PCDHA10: variants seen among roughly 807,000 people sequenced by gnomAD.
PCDHA10 encodes protocadherin alpha-10.
Under a neutral mutation model 61.2 loss-of-function variants are expected in PCDHA10, and 45 were observed. That is an observed-to-expected ratio of 0.74 (90% CI 0.58 to 0.94). The LOEUF (loss-of-function observed/expected upper bound fraction) is 0.94. PCDHA10 is among the 40% of genes least tolerant of loss of function. The pLI, the probability that PCDHA10 is intolerant of heterozygous loss-of-function variation, is 0.00. For synonymous variants in PCDHA10, 602 were observed against 548.8 expected (o/e 1.10, Z -1.35); for missense variants, 1,278 against 1,236.2 (o/e 1.03, Z -0.51).
rs1554151079 is a variant in PCDHA10 at position 140,858,031 on chromosome 5, G to T, written c.1983G>T (p.Thr661=). 1.2e-5 allele frequency: 19 copies of T among 1,597,102 alleles called. 3 individuals are homozygous for T. The highest frequency in any genetic ancestry group is 1.5e-5 in the Non-Finnish European group (17 of 1,167,242). Residue 661 remains threonine, a synonymous_variant, in exon 1 of 4, where the codon ACG becomes ACT. Coordinates refer to ENST00000307360, the MANE Select transcript of PCDHA10 (RefSeq NM_018901.4). ...KDHGEPSLTA[T]ATVLVSLVEG... is the part of the protein sequence containing the mutation. ...ATGGCGAGCCGTCGCTGACGGCCACGGCCACTGTGCTTGTGTCGCTTGTGG... is the reference window on the plus strand; with the variant it reads ...ATGGCGAGCCGTCGCTGACGGCCACTGCCACTGTGCTTGTGTCGCTTGTGG...
chr5:140,869,175 G>A, intron 1 of PCDHA10: 1 of 1,613,976 alleles, frequency 6.2e-7, no homozygotes, highest in East Asian at 2.2e-5. Context: ...TCGAATTCTG[G>A]GAGGTGGGGA....
chr5:140,858,772 A>G lies in PCDHA10; in HGVS notation c.2388+336A>G. ...TTTCGTTACAAATATTTGTGAGATTAGTACTTCATGTTATTTCATTTCCAA... is the reference window on the plus strand; with the variant it reads ...TTTCGTTACAAATATTTGTGAGATTGGTACTTCATGTTATTTCATTTCCAA... On this transcript the variant is annotated intron_variant, in intron 1 of 3. Transcript: ENST00000307360. 1.4e-5 allele frequency: 6 copies of G among 437,250 alleles called. No homozygotes were observed. In the South Asian group the frequency reaches 1.5e-4, roughly 11 times the overall value. 27.1% of individuals were successfully genotyped at this position (437,250 alleles called of 1,614,324 possible).
intron 1 of PCDHA10, among the ~76,000 whole-genome samples, chr5:140,896,536 C>CT (rs34213614): frequency 0.32 from 46,252 of 145,528 alleles, 7,425 homozygotes; most frequent in East Asian, 0.53. Flanking sequence ...AGCTATTTTT[C>CT]TTTTTTTTTT....
chr5:140,936,003 C>T (rs1362734996), intron 1 of PCDHA10, among the ~76,000 whole-genome samples: 22 of 151,556 alleles, frequency 1.5e-4, no homozygotes, highest in Non-Finnish European at 1.5e-4. Context: ...AGCGATTCTC[C>T]CACCTCAGCC....
chr5:140,946,611 A>AATATATATAT (rs1554217734), intron 1 of PCDHA10, among the ~76,000 whole-genome samples: 3,697 of 86,664 alleles, frequency 0.043, 168 homozygotes, highest in Non-Finnish European at 0.054. Flanking sequence ...GAAAATGTGA[A>AATATATATAT]ATATATATAT....
chr5:140,875,100 G>A (rs558585314), intron 1 of PCDHA10, among the ~76,000 whole-genome samples: 2 of 152,240 alleles, frequency 1.3e-5, no homozygotes, highest in Admixed American at 6.5e-5. Context: ...TTGATGTTTT[G>A]TTACTAATAT....
intron 1 of PCDHA10, chr5:140,877,106 TG>T: frequency 6.2e-7 from 1 of 1,613,554 alleles, no homozygotes. Flanking sequence ...GTGCCGCCTC[TG>T]GGCAGCAACG....
intron 1 of PCDHA10, among the ~76,000 whole-genome samples, chr5:140,904,604 T>C (rs1010462159): frequency 2.0e-5 from 3 of 152,094 alleles, no homozygotes; most frequent in Non-Finnish European, 1.5e-5. Flanking sequence ...CTGGATCAAA[T>C]AGTAGTTTTA....
In PCDHA10 at chr5:140,858,143, A is replaced by T. The variant is rs781919234; in HGVS notation, c.2095A>T (p.Ile699Phe). 1.9e-6 allele frequency: 3 copies of T among 1,597,218 alleles called. No homozygotes were observed. The South Asian group carries it at 3.3e-5, about 18-fold the overall frequency. Residue 699 changes from isoleucine (I) to phenylalanine (F), a missense_variant, in exon 1 of 4, where the codon ATC (isoleucine) becomes TTC (phenylalanine). Ile to Phe is a conservative substitution (Grantham distance 21). Transcript: ENST00000307360. The stretch of plus-strand genomic sequence containing the variant: ...CCTGGTGGATGTCAACGTGTACCTG[A>T]TCATCGCCATCTGCGCGGTGTCCAG... ...VALVDVNVYL[I>F]IAICAVSSLL...
In PCDHA10 at chr5:140,857,202, C is replaced by A. The variant is rs560343247; in HGVS notation, c.1154C>A (p.Thr385Asn). 14 of 1,598,626 alleles carry A rather than the reference C, an allele frequency of 8.8e-6. No individual in the cohort carries two copies. In the African/African-American group the frequency reaches 1.1e-4, roughly 12 times the overall value. Residue 385 changes from threonine (T) to asparagine (N), a missense_variant, in exon 1 of 4, where the codon ACC (threonine) becomes AAC (asparagine). Thr to Asn is a moderately conservative substitution (Grantham distance 65). Coordinates refer to ENST00000307360, the MANE Select transcript of PCDHA10 (RefSeq NM_018901.4). ...DHDSGANGQV[T>N]CSLTPHVPFK... The stretch of plus-strand genomic sequence containing the variant: ...GATTCAGGAGCCAACGGACAGGTCA[C>A]CTGCTCTCTGACGCCTCACGTTCCG...
At chr5:140,988,026 T>A (rs1405610277) in intron 3 of PCDHA10, among the ~76,000 whole-genome samples, 1 of 152,152 alleles carries the variant, frequency 6.6e-6, no homozygotes, top group Non-Finnish European at 1.5e-5. Context: ...GATTCTTAAG[T>A]TTTTTAGAAT....
intron 1 of PCDHA10, chr5:140,967,077 G>A (rs1483899506): frequency 1.9e-6 from 3 of 1,613,140 alleles, no homozygotes; most frequent in South Asian, 1.1e-5. Context: ...GTCAACGAGC[G>A]CATTGATCGG....
At chr5:140,987,997 T>C (rs2097277277) in intron 3 of PCDHA10, among the ~76,000 whole-genome samples, 1 of 152,212 alleles carries the variant, frequency 6.6e-6, no homozygotes, top group African/African-American at 2.4e-5. Flanking sequence ...TCTCTGATCC[T>C]TCCCCAGAAA....
chr5:140,900,586 AC>A (rs1554189274), intron 1 of PCDHA10, among the ~76,000 whole-genome samples: 1 of 151,926 alleles, frequency 6.6e-6, no homozygotes, highest in African/African-American at 2.4e-5. Flanking sequence ...CATTTTCTTT[AC>A]CCGTTCATCT....
chr5:140,976,023 A>C (rs907977893), intron 1 of PCDHA10, among the ~76,000 whole-genome samples: 1 of 152,206 alleles, frequency 6.6e-6, no homozygotes, highest in Non-Finnish European at 1.5e-5. Flanking sequence ...AAATAATCAC[A>C]GTTATTTCAA....
intron 1 of PCDHA10, among the ~76,000 whole-genome samples, chr5:140,890,937 A>G (rs2153432428): frequency 6.6e-6 from 1 of 152,254 alleles, no homozygotes; most frequent in South Asian, 2.1e-4. Flanking sequence ...TAGTCCAAAG[A>G]TGCTGGTGAG....
chr5:140,963,538 C>T (rs1450528022), intron 1 of PCDHA10, among the ~76,000 whole-genome samples: 2 of 152,188 alleles, frequency 1.3e-5, no homozygotes, highest in Non-Finnish European at 2.9e-5. Flanking sequence ...CCATTTACTT[C>T]ATGATATAAA....
At chr5:140,965,521 G>A (rs1554227745) in intron 1 of PCDHA10, among the ~76,000 whole-genome samples, 2 of 150,836 alleles carry the variant, frequency 1.3e-5, no homozygotes, top group East Asian at 3.9e-4. Flanking sequence ...TAACTGCAAA[G>A]CATTAATGGA....
intron 1 of PCDHA10, chr5:140,871,538 A>G: frequency 6.6e-7 from 1 of 1,507,314 alleles, no homozygotes; most frequent in Non-Finnish European, 8.9e-7. Context: ...TGTATGTGAA[A>G]TTATTTAAAA....
Sources: allele counts gnomAD v4.1 joint callset (sites outside exome capture counted in the v4.1 genomes callset), GRCh38; gene constraint gnomAD v4.1.1; transcripts MANE v1.5; gene names NCBI Gene and HGNC (gene_info 2026-07-23, HGNC 2026-07-21).